Variants in TTLL11 observed in about 807,000 individuals in gnomAD.
The protein encoded by TTLL11 is tubulin tyrosine ligase like 11.
A neutral mutation model predicts 51.7 loss-of-function variants in TTLL11; 42 were observed. That is an observed-to-expected ratio of 0.81 (90% confidence interval 0.64 to 1.05). TTLL11 has a LOEUF of 1.05. Among genes scored for constraint, TTLL11 ranks in the 50% least tolerant of loss-of-function variants. The pLI is 0.00. For missense variants in TTLL11, 799 were observed against 940.4 expected, an observed-to-expected ratio of 0.85 and a Z score of 1.97; for synonymous variants, 381 against 383.5, an observed-to-expected ratio of 0.99 and a Z score of 0.08.
chr9:122,009,770 A>G (rs1274398608), intron 3 of TTLL11, among the ~76,000 whole-genome samples: 1 of 152,022 alleles, frequency 6.6e-6, no homozygotes, highest in East Asian at 1.9e-4. Context: ...ATAAAACTAT[A>G]GAATAATAGA....
At chr9:122,077,492 C>T (rs1845891829) in intron 1 of TTLL11, among the ~76,000 whole-genome samples, 2 of 151,876 alleles carry the variant, frequency 1.3e-5, no homozygotes, top group Admixed American at 1.3e-4. Flanking sequence ...TATGTAACTT[C>T]CAGACTAGTG....
chr9:121,997,338 C>T (rs763259136), intron 3 of TTLL11, among the ~76,000 whole-genome samples: 3 of 152,236 alleles, frequency 2.0e-5, no homozygotes, highest in East Asian at 3.9e-4. Context: ...CACAGCCTGG[C>T]GAGTCAGCCC....
chr9:121,956,594 C>T (rs924642413), intron 6 of TTLL11, among the ~76,000 whole-genome samples: 6 of 152,176 alleles, frequency 3.9e-5, no homozygotes, highest in Admixed American at 1.3e-4. Flanking sequence ...GCCTACTGGC[C>T]GCCCTGCTGA....
chr9:121,838,769 C>CAAGCAAGCGAGA (rs1837258453), intron 8 of TTLL11, among the ~76,000 whole-genome samples: 1 of 75,844 alleles, frequency 1.3e-5, no homozygotes, highest in East Asian at 4.8e-4. Flanking sequence ...AGAAAGCAAG[C>CAAGCAAGCGAGA]AAGCAAGCAA....
At chr9:122,073,097 T>C (rs1429022169) in intron 1 of TTLL11, among the ~76,000 whole-genome samples, 1 of 152,156 alleles carries the variant, frequency 6.6e-6, no homozygotes, top group Non-Finnish European at 1.5e-5. Context: ...GATGTGGCCC[T>C]TGCACTTATT....
chr9:122,052,691 TA>T (rs1845194510), intron 1 of TTLL11, among the ~76,000 whole-genome samples: 1 of 152,220 alleles, frequency 6.6e-6, no homozygotes, highest in Non-Finnish European at 1.5e-5. Flanking sequence ...TTTGCAGGAC[TA>T]GCCTAAGTTT....
At chr9:121,896,089 G>C (rs1008143855) in intron 6 of TTLL11, among the ~76,000 whole-genome samples, 3 of 151,568 alleles carry the variant, frequency 2.0e-5, no homozygotes, top group Non-Finnish European at 4.4e-5. Flanking sequence ...TGCCCGTTTG[G>C]TTGTGTGTGT....
At chr9:121,893,754 A>G (rs529292789) in intron 6 of TTLL11, among the ~76,000 whole-genome samples, 22 of 152,320 alleles carry the variant, frequency 1.4e-4, no homozygotes, top group African/African-American at 5.0e-4. Flanking sequence ...CGTCTACTCA[A>G]TGGGCAGTAC....
chr9:121,856,332 C>T (rs1837817590), intron 8 of TTLL11, among the ~76,000 whole-genome samples: 1 of 152,164 alleles, frequency 6.6e-6, no homozygotes, highest in Non-Finnish European at 1.5e-5. Flanking sequence ...CTCAGCCTCC[C>T]AAAGTGCTGG....
chr9:121,841,257 G>A (rs927954450), intron 8 of TTLL11, among the ~76,000 whole-genome samples: 1 of 152,104 alleles, frequency 6.6e-6, no homozygotes, highest in African/African-American at 2.4e-5. Context: ...TGGTTGTGGA[G>A]GATGGAGATG....
intron 1 of TTLL11, among the ~76,000 whole-genome samples, chr9:122,046,899 C>T (rs1845021335): frequency 6.6e-6 from 1 of 152,190 alleles, no homozygotes; most frequent in Non-Finnish European, 1.5e-5. Context: ...GATTCAGGTA[C>T]TCATTAGGTG....
At chr9:121,927,513 G>A (rs1840781125) in intron 6 of TTLL11, among the ~76,000 whole-genome samples, 1 of 152,196 alleles carries the variant, frequency 6.6e-6, no homozygotes, top group Admixed American at 6.5e-5. Context: ...TCAGGTAAAG[G>A]AATCTAGAGA....
chr9:121,857,973 G>A (rs1837880174), intron 8 of TTLL11, among the ~76,000 whole-genome samples: 1 of 152,038 alleles, frequency 6.6e-6, no homozygotes, highest in Non-Finnish European at 1.5e-5. Flanking sequence ...CCCTCCGTGG[G>A]ATCCTGGATG....
chr9:121,838,580 G>A (rs943052245), intron 8 of TTLL11, among the ~76,000 whole-genome samples: 7 of 151,934 alleles, frequency 4.6e-5, no homozygotes, highest in South Asian at 4.2e-4. Context: ...TTAGCAGGGC[G>A]TTGTGGCATG....
chr9:121,912,512 C>T (rs967607342), intron 6 of TTLL11, among the ~76,000 whole-genome samples: 2 of 152,062 alleles, frequency 1.3e-5, no homozygotes, highest in Non-Finnish European at 2.9e-5. Context: ...TCCATGCAGG[C>T]GTCGTGTGTC....
At chr9:122,007,049 G>C (rs1328874903) in intron 3 of TTLL11, among the ~76,000 whole-genome samples, 3 of 151,614 alleles carry the variant, frequency 2.0e-5, no homozygotes, top group East Asian at 1.9e-4. Flanking sequence ...ATTTAGGGTG[G>C]GGTTGTTTTT....
intron 3 of TTLL11, among the ~76,000 whole-genome samples, chr9:122,006,409 GTTTA>G (rs1044865365): frequency 2.0e-5 from 3 of 148,856 alleles, no homozygotes; most frequent in African/African-American, 7.4e-5. Context: ...TTTTTTTTTA[GTTTA>G]TTTGATATTT....
chr9:122,055,350 T>C (rs1564377619), intron 1 of TTLL11, among the ~76,000 whole-genome samples: 1 of 152,138 alleles, frequency 6.6e-6, no homozygotes, highest in East Asian at 1.9e-4. Flanking sequence ...GCTGAAGAAC[T>C]TGGAATCCGA....
intron 6 of TTLL11, among the ~76,000 whole-genome samples, chr9:121,922,491 G>A (rs1246417373): frequency 6.6e-6 from 1 of 152,162 alleles, no homozygotes; most frequent in Non-Finnish European, 1.5e-5. Context: ...GCTGACCTTG[G>A]GCCAGAGGAG....
Sources: allele counts gnomAD v4.1 joint callset (sites outside exome capture counted in the v4.1 genomes callset), GRCh38; gene constraint gnomAD v4.1.1; transcripts MANE v1.5; gene names NCBI Gene and HGNC (gene_info 2026-07-23, HGNC 2026-07-21).